The following SNX5 variants were observed in gnomAD, a reference collection of about 807,000 sequenced individuals.
The protein encoded by SNX5 is sorting nexin 5.
A neutral mutation model predicts 53.9 loss-of-function variants in SNX5; 31 were observed. That is an observed-to-expected ratio of 0.58 (90% confidence interval 0.43 to 0.78). SNX5 has a LOEUF of 0.78. SNX5 is among the 30% of genes least tolerant of loss of function. SNX5 has a pLI of 0.00. For synonymous variants in SNX5, 168 were observed against 171.1 expected (o/e 0.98, Z 0.14); for missense variants, 471 against 478.8 (o/e 0.98, Z 0.15).
At position 17,968,458 on chromosome 20, in the gene SNX5, C is replaced by A. The variant is rs1332296330; in HGVS notation, c.-33G>T. ...CGGGACTCGAGCAGGGGCCGCCTGGCTGTGCGAGGAAAGAAGAAGCTGGGC... is the reference window on the plus strand; with the variant it reads ...CGGGACTCGAGCAGGGGCCGCCTGGATGTGCGAGGAAAGAAGAAGCTGGGC... On this transcript the variant is annotated 5_prime_UTR_variant, in exon 1 of 13. Coordinates refer to ENST00000377759, the MANE Select transcript of SNX5 (RefSeq NM_014426.4). The A allele has an allele frequency of 1.6e-6, 2 of 1,286,920 alleles. No individual in the cohort carries two copies. Among genetic ancestry groups the A allele is most frequent in the Middle Eastern group, 3.0e-4 (1 of 3,336 alleles). 79.7% of individuals were successfully genotyped at this position (1,286,920 alleles called of 1,614,324 possible). A position where few individuals can be genotyped will look rare whatever the true frequency, so the allele number is the denominator to read the frequency against.
chr20:17,965,019 TC>T (rs2035515756), intron 1 of SNX5, among the ~76,000 whole-genome samples: 2 of 152,178 alleles, frequency 1.3e-5, no homozygotes, highest in African/African-American at 2.4e-5. Flanking sequence ...CACAAAGATA[TC>T]CAACAATGCT....
At chr20:17,968,346 C>T in intron 1 of SNX5, 29 bp downstream of exon 1, 1 of 1,262,174 alleles carries the variant, frequency 7.9e-7, no homozygotes, top group African/African-American at 1.5e-5. Flanking sequence ...GGCCGCCCGC[C>T]CAGGAGTCTG....
chr20:17,957,075 T>C (rs985128379), intron 1 of SNX5, 38 bp from the exon 2 acceptor site: 2 of 1,200,444 alleles, frequency 1.7e-6, no homozygotes, highest in Non-Finnish European at 1.2e-6. Flanking sequence ...TCAAACTCAT[T>C]TGGCCCTAAA....
intron 12 of SNX5, 25 bp from the exon 13 acceptor site, chr20:17,942,432 A>C: frequency 6.3e-7 from 1 of 1,584,732 alleles, no homozygotes; most frequent in South Asian, 1.1e-5. Context: ...GGCAAGGCAG[A>C]CCAGTGAATT....
chr20:17,956,936 T>C lies in SNX5; in HGVS notation c.153A>G (p.Thr51=). The C allele has an allele frequency of 6.5e-7, 1 of 1,530,318 alleles. No homozygotes were observed. The highest frequency in any genetic ancestry group is 2.2e-5 in the East Asian group (1 of 44,534). 94.8% of individuals were successfully genotyped at this position (1,530,318 alleles called of 1,614,324 possible). The change falls in exon 2 of 13, where the codon ACA becomes ACG. Residue 51 remains threonine, a synonymous_variant. Coordinates refer to ENST00000377759, the MANE Select transcript of SNX5 (RefSeq NM_014426.4). ...ERDKVKFTVH[T]KTTLPTFQSP... is the part of the protein sequence containing the mutation. ...ATTACCACTGCATGTTACTTACCTTTGTGTGCACTGTAAATTTGACTTTGT... is the reference window on the plus strand; with the variant it reads ...ATTACCACTGCATGTTACTTACCTTCGTGTGCACTGTAAATTTGACTTTGT...
In SNX5 at chr20:17,968,464, G is replaced by T; in HGVS notation, c.-39C>A. 3.9e-6 allele frequency: 5 copies of T among 1,289,312 alleles called. No individual in the cohort carries two copies. Among genetic ancestry groups the T allele is most frequent in the Non-Finnish European group, 4.9e-6 (5 of 1,016,404 alleles). The allele number at this position is 1,289,312 out of a possible 1,614,324, so 79.9% of individuals were successfully genotyped here. A position where few individuals can be genotyped will look rare whatever the true frequency, so the allele number is the denominator to read the frequency against. Reference sequence around the variant, plus strand: ...TCGAGCAGGGGCCGCCTGGCTGTGCGAGGAAAGAAGAAGCTGGGCCGCCGC... The same window carrying T: ...TCGAGCAGGGGCCGCCTGGCTGTGCTAGGAAAGAAGAAGCTGGGCCGCCGC... On this transcript the variant is annotated 5_prime_UTR_variant, in exon 1 of 13. Transcript: ENST00000377759.
intron 1 of SNX5, chr20:17,963,084 GCAAAA>G (rs776025522): frequency 2.8e-6 from 1 of 353,860 alleles, no homozygotes; most frequent in Non-Finnish European, 5.6e-6. Flanking sequence ...AATTCACAAA[GCAAAA>G]CAGCTGAACT....
chr20:17,943,006 C>G, intron 12 of SNX5, 104 bp downstream of exon 12: 1 of 770,186 alleles, frequency 1.3e-6, no homozygotes, highest in South Asian at 1.6e-5. Context: ...ACGATTAATA[C>G]CACAAGGCCA....
At chr20:17,954,162 A>C in intron 3 of SNX5, 45 bp from the exon 4 acceptor site, 2 of 1,607,546 alleles carry the variant, frequency 1.2e-6, no homozygotes, top group Non-Finnish European at 1.7e-6. Context: ...CCCAGCAGCG[A>C]TGTTTTCTAG....
rs975424586 is a variant in SNX5, at chr20:17,953,895, C to T, written c.389+101G>A. On this transcript the variant is annotated intron_variant, in intron 4 of 12. Transcript: ENST00000377759. Reference sequence around the variant, plus strand: ...CGCTAGGGACCTAATTAAACAGCTGCACTTAAAACAAAATTAAGTCAGGTT... The same window carrying T: ...CGCTAGGGACCTAATTAAACAGCTGTACTTAAAACAAAATTAAGTCAGGTT... The T allele has an allele frequency of 2.7e-5, 26 of 975,258 alleles. No homozygotes were observed. The African/African-American group carries it at 3.6e-4, about 14-fold the overall frequency. 60.4% of individuals were successfully genotyped at this position (975,258 alleles called of 1,614,324 possible).
At chr20:17,967,397 T>G (rs183552948) in intron 1 of SNX5, among the ~76,000 whole-genome samples, 18 of 152,182 alleles carry the variant, frequency 1.2e-4, no homozygotes, top group Non-Finnish European at 1.9e-4. Context: ...TCTATTTTAA[T>G]AATTAATGCA....
chr20:17,957,166 C>T (rs1227198336), intron 1 of SNX5, 129 bp from the exon 2 acceptor site: 10 of 648,400 alleles, frequency 1.5e-5, no homozygotes, highest in African/African-American at 3.6e-5. Flanking sequence ...CTGGGCGCGG[C>T]GGCTCACCCC....
At chr20:17,962,701 C>T in intron 1 of SNX5, 1 of 517,910 alleles carries the variant, frequency 1.9e-6, no homozygotes, top group South Asian at 1.4e-5. Flanking sequence ...AACTAAAGGG[C>T]TGCAGCAAGT....
rs371827386 is a variant in SNX5, at chr20:17,942,283, G to A, written c.*74C>T. Reference sequence around the variant, plus strand: ...TAAAGTTGAAGCTAATATATCTTCCGTGGTAATGATTTAAGTGCAAGTGAT... The same window carrying A: ...TAAAGTTGAAGCTAATATATCTTCCATGGTAATGATTTAAGTGCAAGTGAT... On this transcript the variant is annotated 3_prime_UTR_variant, in exon 13 of 13. Coordinates refer to ENST00000377759, the MANE Select transcript of SNX5 (RefSeq NM_014426.4). The A allele has an allele frequency of 7.8e-4, 713 of 908,638 alleles. No homozygotes were observed. The highest frequency in any genetic ancestry group is 1.1e-3 in the Non-Finnish European group (615 of 542,092). The allele number at this position is 908,638 out of a possible 1,614,324, so 56.3% of individuals were successfully genotyped here.
At chr20:17,956,689 A>AC (rs1366291048) in intron 2 of SNX5, among the ~76,000 whole-genome samples, 7 of 145,476 alleles carry the variant, frequency 4.8e-5, no homozygotes, top group Non-Finnish European at 1.0e-4. Context: ...AAAAAAAAAA[A>AC]AAAAAAAAAA....
rs201917236 is a variant in SNX5 at position 17,950,155 on chromosome 20, T to C, written c.768A>G (p.Leu256=). 1.2e-6 allele frequency: 2 copies of C among 1,614,192 alleles called. No individual in the cohort carries two copies. The highest frequency in any genetic ancestry group is 3.3e-5 in the Admixed American group (2 of 60,028). ...HTAACLHSLA[L]EEPTVIKKYL... is the part of the protein sequence containing the mutation. ...ACTTTTTGATGACTGTGGGCTCTTCTAAAGCCAGGCTATGTAAGCAGGCTG... is the reference window on the plus strand; with the variant it reads ...ACTTTTTGATGACTGTGGGCTCTTCCAAAGCCAGGCTATGTAAGCAGGCTG... Residue 256 remains leucine, a synonymous_variant, in exon 8 of 13, where the codon TTA becomes TTG. Coordinates refer to ENST00000377759, the MANE Select transcript of SNX5 (RefSeq NM_014426.4).
chr20:17,947,511 T>C lies in SNX5; in HGVS notation c.1053A>G (p.Glu351=), dbSNP rs2039502601. 6.2e-7 allele frequency: 1 copy of C among 1,613,754 alleles called. No homozygotes were observed. The highest frequency in any genetic ancestry group is 1.7e-4 in the Middle Eastern group (1 of 6,056). ...AHQQECCQKF[E]QLSESAKEEL... is the part of the protein sequence containing the mutation. ...CTTCTTTTGCAGATTCGGAAAGTTG[T>C]TCAAATTTCTGGCAGCACTCCTGCT... Residue 351 remains glutamate (E), a synonymous_variant, in exon 11 of 13, where the codon GAA becomes GAG. Coordinates refer to ENST00000377759, the MANE Select transcript of SNX5 (RefSeq NM_014426.4).
At chr20:17,948,117 C>CA (rs1256513697) in intron 10 of SNX5, among the ~76,000 whole-genome samples, 1 of 152,280 alleles carries the variant, frequency 6.6e-6, no homozygotes, top group African/African-American at 2.4e-5. Context: ...TGCAATCTTA[C>CA]AACAGAGTAG....
chr20:17,967,931 C>G (rs965393404), intron 1 of SNX5: 3 of 350,872 alleles, frequency 8.6e-6, no homozygotes, highest in Non-Finnish European at 1.4e-5. Flanking sequence ...GTTGTTTGGG[C>G]CCCCCCCCCA....
Sources: allele counts gnomAD v4.1 joint callset (sites outside exome capture counted in the v4.1 genomes callset), GRCh38; gene constraint gnomAD v4.1.1; transcripts MANE v1.5; gene names NCBI Gene and HGNC (gene_info 2026-07-23, HGNC 2026-07-21).